Variants in CYTH1 observed in about 807,000 individuals in gnomAD.
CYTH1 encodes the protein cytohesin 1, also known as cytohesin-1.
Under a neutral mutation model 61.8 loss-of-function variants are expected in CYTH1, and 18 were observed. The observed-to-expected ratio is 0.29, with a 90% CI of 0.20 to 0.43. The LOEUF (loss-of-function observed/expected upper bound fraction) is 0.43. CYTH1 is among the 20% of genes least tolerant of loss of function. The pLI is 1.00. For synonymous variants in CYTH1, 174 were observed against 184.3 expected, an observed-to-expected ratio of 0.94 and a Z score of 0.45; for missense variants, 336 against 510.5, an observed-to-expected ratio of 0.66 and a Z score of 3.29.
intron 1 of CYTH1, among the ~76,000 whole-genome samples, chr17:78,728,370 A>G (rs2093277166): frequency 6.6e-6 from 1 of 152,044 alleles, no homozygotes; most frequent in African/African-American, 2.4e-5. Context: ...ACATGGTGAA[A>G]CCCCATCTCT....
intron 1 of CYTH1, among the ~76,000 whole-genome samples, chr17:78,757,957 G>C (rs2144698014): frequency 6.6e-6 from 1 of 152,116 alleles, no homozygotes; most frequent in East Asian, 1.9e-4. Flanking sequence ...GTAATTCAAT[G>C]TCAGGAAGGA....
In CYTH1 at chr17:78,760,378, TATATATAC is replaced by T. The variant is rs1462712988; in HGVS notation, c.22+21816_22+21823del. On this transcript the variant is annotated intron_variant, in intron 1 of 13. Transcript: ENST00000446868. ...GTTTATATATATATATATATATATA[TATATATAC>T]ACACACATACATATATATATGTGTA... Among the ~76,000 whole-genome samples, 64 of 61,370 alleles carry T rather than the reference TATATATAC, an allele frequency of 1.0e-3. 3 individuals are homozygous for T. Among genetic ancestry groups the T allele is most frequent in the African/African-American group, 2.6e-3 (40 of 15,232 alleles). The allele number at this position is 61,370 out of a possible 152,430, so 40.3% of individuals were successfully genotyped here.
At chr17:78,751,870 C>T (rs1000619440) in intron 1 of CYTH1, among the ~76,000 whole-genome samples, 2 of 151,874 alleles carry the variant, frequency 1.3e-5, no homozygotes, top group African/African-American at 2.4e-5. Flanking sequence ...AGTGCAGTGG[C>T]ATGATCTCGG....
intron 11 of CYTH1, among the ~76,000 whole-genome samples, chr17:78,686,025 C>T (rs897799335): frequency 1.3e-5 from 2 of 152,172 alleles, no homozygotes; most frequent in African/African-American, 4.8e-5. Context: ...CTTTGATTTG[C>T]AGATTCAGGG....
At chr17:78,781,356 A>G (rs924829214) in intron 1 of CYTH1, among the ~76,000 whole-genome samples, 2 of 152,236 alleles carry the variant, frequency 1.3e-5, no homozygotes, top group Non-Finnish European at 2.9e-5. Context: ...CAGCATGTCA[A>G]ACAACCTTTT....
intron 12 of CYTH1, 147 bp downstream of exon 12, chr17:78,680,824 T>C (rs1236867682): frequency 8.5e-6 from 7 of 819,922 alleles, no homozygotes; most frequent in Non-Finnish European, 1.4e-5. Context: ...TCGAGTCTCA[T>C]CTTTGGCTTG....
chr17:78,770,325 C>CAAA (rs34583082), intron 1 of CYTH1, among the ~76,000 whole-genome samples: 5 of 43,820 alleles, frequency 1.1e-4, no homozygotes, highest in African/African-American at 3.7e-4. Flanking sequence ...TTCCCATCTC[C>CAAA]AAAAAAAAAA....
chr17:78,774,108 G>A (rs748143881), intron 1 of CYTH1, among the ~76,000 whole-genome samples: 18 of 152,276 alleles, frequency 1.2e-4, no homozygotes, highest in Non-Finnish European at 2.5e-4. Flanking sequence ...GGGCACATTT[G>A]CACTATTACA....
intron 11 of CYTH1, among the ~76,000 whole-genome samples, chr17:78,687,386 C>T (rs773204087): frequency 2.6e-5 from 4 of 152,206 alleles, no homozygotes; most frequent in Admixed American, 2.6e-4. Flanking sequence ...TATTCTGCCT[C>T]AACTTTAATC....
chr17:78,702,468 T>C (rs2093021713), intron 4 of CYTH1, 70 bp downstream of exon 4: 1 of 1,524,376 alleles, frequency 6.6e-7, no homozygotes, highest in African/African-American at 1.4e-5. Flanking sequence ...AAAACGTTTT[T>C]AGGGTCTATC....
intron 1 of CYTH1, among the ~76,000 whole-genome samples, chr17:78,735,112 G>A (rs1214767302): frequency 1.3e-5 from 2 of 152,220 alleles, no homozygotes; most frequent in Non-Finnish European, 1.5e-5. Context: ...TAAGGGAAGC[G>A]AAGAAGCACC....
chr17:78,680,405 G>A, intron 12 of CYTH1, 61 bp from the exon 13 acceptor site: 2 of 1,522,712 alleles, frequency 1.3e-6, no homozygotes, highest in Admixed American at 2.1e-5. Context: ...TGAGAAACAT[G>A]CTGATTTCTT....
intron 1 of CYTH1, among the ~76,000 whole-genome samples, chr17:78,730,520 C>CAG (rs1445308131): frequency 6.7e-6 from 1 of 149,614 alleles, no homozygotes; most frequent in Non-Finnish European, 1.5e-5. Context: ...GCCTGGGCGA[C>CAG]AGCGAGACTC....
chr17:78,775,231 T>C (rs145294877), intron 1 of CYTH1, among the ~76,000 whole-genome samples: 41 of 152,156 alleles, frequency 2.7e-4, no homozygotes, highest in South Asian at 8.3e-4. Context: ...CCCATGAAGA[T>C]TGGGGGGGCC....
chr17:78,736,144 T>C (rs1235806788), intron 1 of CYTH1, among the ~76,000 whole-genome samples: 1 of 152,228 alleles, frequency 6.6e-6, no homozygotes, highest in Non-Finnish European at 1.5e-5. Context: ...ACAAGTACTA[T>C]TTATCCCAAA....
chr17:78,777,325 A>AC (rs1485302092), intron 1 of CYTH1, among the ~76,000 whole-genome samples: 1 of 151,006 alleles, frequency 6.6e-6, no homozygotes, highest in African/African-American at 2.4e-5. Flanking sequence ...AGGCTGAGGC[A>AC]GGAGATGGTG....
chr17:78,700,462 A>T lies in CYTH1; in HGVS notation c.438-19T>A, dbSNP rs1454147993. On this transcript the variant is annotated intron_variant, in intron 6 of 13. Coordinates refer to ENST00000446868, the MANE Select transcript of CYTH1 (RefSeq NM_004762.6). The surrounding 1 kb of genome is among the most constrained non-coding windows in gnomAD (Gnocchi z 5.1). ...GAACTGCCTGAGTGGGTAAAGACAG[A>T]GTGTTCCAGAACTTGGGGAGGCAAT... is the stretch of plus-strand genomic sequence containing the variant. 7 of 1,588,416 alleles carry T rather than the reference A, an allele frequency of 4.4e-6. No homozygotes were observed. Among genetic ancestry groups the T allele is most frequent in the Non-Finnish European group, 6.0e-6 (7 of 1,167,030 alleles).
chr17:78,733,949 G>C (rs1161801631), intron 1 of CYTH1, among the ~76,000 whole-genome samples: 1 of 152,206 alleles, frequency 6.6e-6, no homozygotes, highest in Non-Finnish European at 1.5e-5. Flanking sequence ...GCCAAAGAGA[G>C]AGTTCAAAGG....
At chr17:78,738,625 T>G (rs944842041) in intron 1 of CYTH1, among the ~76,000 whole-genome samples, 1 of 147,454 alleles carries the variant, frequency 6.8e-6, no homozygotes, top group Admixed American at 6.6e-5. Context: ...ATGCATATAT[T>G]TAAAAAAAAA....
Sources: allele counts gnomAD v4.1 joint callset (sites outside exome capture counted in the v4.1 genomes callset), GRCh38; gene constraint gnomAD v4.1.1; non-coding constraint Gnocchi (gnomAD v3.1); transcripts MANE v1.5; gene names NCBI Gene and HGNC (gene_info 2026-07-23, HGNC 2026-07-21).